GNAS-AS1: variants seen among roughly 807,000 people sequenced by gnomAD.
The protein encoded by GNAS-AS1 is GNAS antisense RNA 1 (non-protein coding).
At chr20:58,822,977 C>T (rs566144331) in intron 4 of GNAS-AS1, among the ~76,000 whole-genome samples, 22 of 152,144 alleles carry the variant, frequency 1.4e-4, no homozygotes, top group Non-Finnish European at 2.8e-4. Flanking sequence ...CCAGCACCTG[C>T]GCTCTTGCCT....
At position 58,841,410 on chromosome 20, in the gene GNAS-AS1, C is replaced by G; in HGVS notation, n.819+527G>C. The G allele has an allele frequency of 2.0e-6, 2 of 996,854 alleles. No individual in the cohort carries two copies. Among genetic ancestry groups the G allele is most frequent in the Non-Finnish European group, 2.4e-6 (2 of 836,840 alleles). 61.8% of individuals were successfully genotyped at this position (996,854 alleles called of 1,614,324 possible). ...ATCTGAATGGGAATGGGCGAGAACT[C>G]TAGAGACTGACCACCCGGGAGGGAA... On this transcript the variant is annotated intron_variant and non_coding_transcript_variant, in intron 4 of 4. Coordinates refer to ENST00000424094, the Ensembl canonical transcript of GNAS-AS1. This position sits in a 1 kb window ranked among gnomAD's most constrained non-coding sequence, Gnocchi z 5.0.
At chr20:58,830,484 TCAC>T (rs1250298086) in intron 4 of GNAS-AS1, among the ~76,000 whole-genome samples, 1 of 5,668 alleles carries the variant, frequency 1.8e-4, no homozygotes, top group Non-Finnish European at 3.5e-4. Flanking sequence ...ATCATCACCA[TCAC>T]CACCATCACC....
intron 4 of GNAS-AS1, among the ~76,000 whole-genome samples, chr20:58,827,542 A>T (rs2085529171): frequency 6.6e-6 from 1 of 152,242 alleles, no homozygotes; most frequent in African/African-American, 2.4e-5. Context: ...TCAGCAGTGC[A>T]GTTTCTAACA....
At chr20:58,837,858 G>C (rs976531461) in intron 4 of GNAS-AS1, among the ~76,000 whole-genome samples, 6 of 152,194 alleles carry the variant, frequency 3.9e-5, no homozygotes, top group Admixed American at 2.0e-4. Context: ...TCTCTCACTG[G>C]GGTATGAACT....
intron 4 of GNAS-AS1, among the ~76,000 whole-genome samples, chr20:58,829,506 C>T (rs1473692299): frequency 6.6e-6 from 1 of 152,212 alleles, no homozygotes; most frequent in Admixed American, 6.5e-5. Flanking sequence ...CCCTGCCCAG[C>T]CCTCCAGATT....
At chr20:58,824,880 C>T (rs1568897990) in intron 4 of GNAS-AS1, among the ~76,000 whole-genome samples, 1 of 152,210 alleles carries the variant, frequency 6.6e-6, no homozygotes, top group Non-Finnish European at 1.5e-5. Context: ...CTCCCCTCAC[C>T]CAATCCCCAG....
intron 4 of GNAS-AS1, among the ~76,000 whole-genome samples, chr20:58,837,780 C>A (rs1043341814): frequency 6.6e-6 from 1 of 152,206 alleles, no homozygotes; most frequent in Non-Finnish European, 1.5e-5. Context: ...ACACAGAGTG[C>A]AAGATACAAG....
chr20:58,848,802 C>A, intron 2 of GNAS-AS1: 2 of 398,188 alleles, frequency 5.0e-6, no homozygotes, highest in South Asian at 2.6e-4. Context: ...ACAGGTGGGT[C>A]AACTCCTCGA....
At chr20:58,845,888 G>A (rs972977795) in intron 2 of GNAS-AS1, among the ~76,000 whole-genome samples, 8 of 152,174 alleles carry the variant, frequency 5.3e-5, no homozygotes, top group East Asian at 3.8e-4. Flanking sequence ...AACTATTCCC[G>A]GGTAGAAATG....
At chr20:58,819,989 C>T (rs1450318340) in intron 4 of GNAS-AS1, among the ~76,000 whole-genome samples, 3 of 152,248 alleles carry the variant, frequency 2.0e-5, no homozygotes, top group East Asian at 1.9e-4. Context: ...GCTGAATGCT[C>T]ATCCGTACTG....
chr20:58,827,746 T>A (rs971458332), intron 4 of GNAS-AS1, among the ~76,000 whole-genome samples: 4 of 152,206 alleles, frequency 2.6e-5, no homozygotes, highest in African/African-American at 9.6e-5. Context: ...CATGAAACTA[T>A]GTTTGTGTTT....
At chr20:58,836,609 CGG>C (rs1336490490) in intron 4 of GNAS-AS1, 1 of 152,282 alleles carries the variant, frequency 6.6e-6, no homozygotes, top group East Asian at 1.9e-4. Flanking sequence ...TTCCTCAGCC[CGG>C]TAACAACAGA....
At chr20:58,826,243 A>AT (rs2085519381) in intron 4 of GNAS-AS1, 2 of 395,074 alleles carry the variant, frequency 5.1e-6, no homozygotes, top group African/African-American at 4.1e-5. Context: ...GAACATATAC[A>AT]TTTTTTTGCA....
At chr20:58,820,801 G>A (rs1258337218) in intron 4 of GNAS-AS1, among the ~76,000 whole-genome samples, 4 of 152,166 alleles carry the variant, frequency 2.6e-5, no homozygotes, top group African/African-American at 7.2e-5. Flanking sequence ...CATGAGACTC[G>A]CTATCATGAG....
At chr20:58,829,885 A>C (rs1200770378) in intron 4 of GNAS-AS1, among the ~76,000 whole-genome samples, 4 of 152,066 alleles carry the variant, frequency 2.6e-5, no homozygotes, top group African/African-American at 9.7e-5. Context: ...CCCTCACTGC[A>C]TGCATTCACC....
At chr20:58,832,739 C>T (rs1481733668) in intron 4 of GNAS-AS1, among the ~76,000 whole-genome samples, 1 of 152,212 alleles carries the variant, frequency 6.6e-6, no homozygotes, top group African/African-American at 2.4e-5. Context: ...CAGTTGTGGA[C>T]AGGAAGCTTT....
intron 2 of GNAS-AS1, among the ~76,000 whole-genome samples, chr20:58,846,725 T>C (rs1358393671): frequency 6.6e-6 from 1 of 152,224 alleles, no homozygotes; most frequent in East Asian, 1.9e-4. Context: ...TCCTGGCTTA[T>C]GTCGCTGTCT....
Position 58,840,008 on chromosome 20 carries a change from A to T in GNAS-AS1, n.819+1929T>A, listed in dbSNP as rs1006783741. The T allele has an allele frequency of 7.2e-7, 1 of 1,392,096 alleles. No individual in the cohort carries two copies. The highest frequency in any genetic ancestry group is 1.0e-6 in the Non-Finnish European group (1 of 995,264). 86.2% of individuals were successfully genotyped at this position (1,392,096 alleles called of 1,614,324 possible). ...GACCTCCGGGCCAGCTTCTCACCTC[A>T]TAGGGTGTACCTTTCCCGGCTCCAG... On this transcript the variant is annotated intron_variant and non_coding_transcript_variant, in intron 4 of 4. Transcript: ENST00000424094. The surrounding 1 kb of genome is among the most constrained non-coding windows in gnomAD (Gnocchi z 6.0).
intron 4 of GNAS-AS1, chr20:58,826,177 T>C: frequency 2.5e-6 from 1 of 398,576 alleles, no homozygotes; most frequent in Non-Finnish European, 4.4e-6. Context: ...TACTTCTCTT[T>C]TAAAAGTGCT....
Sources: gnomAD v4.1 joint callset for allele counts (sites outside exome capture counted in the v4.1 genomes callset) on GRCh38, gnomAD v4.1.1 for gene constraint, Gnocchi (gnomAD v3.1) non-coding constraint, MANE v1.5 for transcripts, NCBI Gene and HGNC (gene_info 2026-07-23, HGNC 2026-07-21) for gene names.